KCNIP4: variants seen among roughly 807,000 people sequenced by gnomAD.
The protein encoded by KCNIP4 is potassium voltage-gated channel interacting protein 4.
A neutral mutation model predicts 34.0 loss-of-function variants in KCNIP4; 12 were observed. The ratio of observed to expected loss-of-function variants is 0.35; its 90% CI spans 0.23 to 0.57. The LOEUF is 0.57. KCNIP4 is among the 20% of genes least tolerant of loss of function. The probability of loss-of-function intolerance (pLI) is 0.83; values close to 1 mark genes in which losing one functional copy is unlikely to be tolerated. For missense variants in KCNIP4, 238 were observed against 311.7 expected, an observed-to-expected ratio of 0.76 and a Z score of 1.78; for synonymous variants, 124 against 102.2, an observed-to-expected ratio of 1.21 and a Z score of -1.29.
At chr4:21,414,760 T>C (rs1311916728) in intron 1 of KCNIP4, among the ~76,000 whole-genome samples, 1 of 152,154 alleles carries the variant, frequency 6.6e-6, no homozygotes, top group Non-Finnish European at 1.5e-5. Flanking sequence ...AAAATGGAGA[T>C]TCTATAATTT....
chr4:21,216,761 TAAG>T (rs1279709662), intron 1 of KCNIP4, among the ~76,000 whole-genome samples: 1 of 152,136 alleles, frequency 6.6e-6, no homozygotes. Context: ...GGCCCTGTTA[TAAG>T]AAGACTGTCC....
At chr4:21,338,264 C>CA (rs869150288) in intron 1 of KCNIP4, among the ~76,000 whole-genome samples, 14,454 of 49,146 alleles carry the variant, frequency 0.29, 2,654 homozygotes, top group Non-Finnish European at 0.38. Context: ...GACTCCTTCT[C>CA]AAAAAAAAAA....
At chr4:21,053,545 T>G (rs1424435199) in intron 1 of KCNIP4, among the ~76,000 whole-genome samples, 2 of 152,154 alleles carry the variant, frequency 1.3e-5, no homozygotes, top group African/African-American at 4.8e-5. Context: ...AAATAAAATG[T>G]AAACACCTTG....
chr4:21,169,575 T>A (rs1375239532), intron 1 of KCNIP4, among the ~76,000 whole-genome samples: 1 of 152,136 alleles, frequency 6.6e-6, no homozygotes. Context: ...AATGAGGTTC[T>A]AATGCTACCA....
intron 1 of KCNIP4, among the ~76,000 whole-genome samples, chr4:20,998,744 A>G (rs376128049): frequency 2.2e-4 from 34 of 152,238 alleles, no homozygotes; most frequent in Non-Finnish European, 3.5e-4. Flanking sequence ...CTGAATAAGG[A>G]TAATAGTTCT....
At position 21,620,562 on chromosome 4, in the gene KCNIP4, T is replaced by C. The variant is rs575819911; in HGVS notation, c.61+328009A>G. On this transcript the variant is annotated intron_variant, in intron 1 of 8. Transcript: ENST00000382152. ...GGCATAGAAAAATATTATTAGAGTT[T>C]TACCCTCCTATCTAAAACTGTCCCC... Among the ~76,000 whole-genome samples, 16 of 152,170 alleles carry C rather than the reference T, an allele frequency of 1.1e-4. No individual in the cohort carries two copies. In the South Asian group the frequency reaches 3.3e-3, roughly 32 times the overall value.
At chr4:21,399,104 T>A (rs145782746) in intron 1 of KCNIP4, among the ~76,000 whole-genome samples, 436 of 152,364 alleles carry the variant, frequency 2.9e-3, no homozygotes, top group Non-Finnish European at 5.4e-3. Context: ...CCTTCTCACG[T>A]TAGCACCTCA....
At chr4:21,582,623 G>A (rs921391245) in intron 1 of KCNIP4, among the ~76,000 whole-genome samples, 1 of 151,872 alleles carries the variant, frequency 6.6e-6, no homozygotes, top group Admixed American at 6.6e-5. Flanking sequence ...TGTGACCTGA[G>A]ATTTTTGTGT....
intron 1 of KCNIP4, among the ~76,000 whole-genome samples, chr4:21,625,279 G>A (rs1745248136): frequency 6.6e-6 from 1 of 152,054 alleles, no homozygotes; most frequent in African/African-American, 2.4e-5. Flanking sequence ...CATAGGGTAT[G>A]CTGAATGTTA....
At chr4:21,445,080 C>T (rs1727854098) in intron 1 of KCNIP4, among the ~76,000 whole-genome samples, 2 of 152,104 alleles carry the variant, frequency 1.3e-5, no homozygotes, top group Admixed American at 6.6e-5. Context: ...ATGTGAAGGA[C>T]CTCTTCAAGG....
chr4:20,874,994 G>A (rs570030076), intron 2 of KCNIP4, among the ~76,000 whole-genome samples: 4 of 152,138 alleles, frequency 2.6e-5, no homozygotes, highest in African/African-American at 7.2e-5. Flanking sequence ...ATTTGTCACA[G>A]CCAGAAATAA....
intron 1 of KCNIP4, among the ~76,000 whole-genome samples, chr4:21,297,664 A>T (rs1398764601): frequency 6.6e-6 from 1 of 152,094 alleles, no homozygotes; most frequent in Non-Finnish European, 1.5e-5. Flanking sequence ...TTTCTGCAGG[A>T]TGTTTTGTTC....
At chr4:21,728,107 A>G (rs937932694) in intron 1 of KCNIP4, among the ~76,000 whole-genome samples, 1 of 152,034 alleles carries the variant, frequency 6.6e-6, no homozygotes, top group African/African-American at 2.4e-5. Context: ...AGGTAATTCC[A>G]TCTCAGTAAA....
intron 1 of KCNIP4, among the ~76,000 whole-genome samples, chr4:20,886,916 G>A (rs1383033244): frequency 6.6e-6 from 1 of 152,068 alleles, no homozygotes; most frequent in Non-Finnish European, 1.5e-5. Context: ...CTAGACATGT[G>A]AGAAAGCAGA....
chr4:21,713,364 C>T (rs1427162756), intron 1 of KCNIP4, among the ~76,000 whole-genome samples: 2 of 152,138 alleles, frequency 1.3e-5, no homozygotes, highest in Non-Finnish European at 2.9e-5. Context: ...CATGGCACAT[C>T]TTCTTGAACA....
intron 1 of KCNIP4, among the ~76,000 whole-genome samples, chr4:20,894,887 A>T (rs191431570): frequency 7.7e-4 from 117 of 152,350 alleles, no homozygotes; most frequent in East Asian, 3.1e-3. Context: ...CAATGCTCTA[A>T]CAACAATAAG....
chr4:21,042,535 G>C (rs541144567), intron 1 of KCNIP4, among the ~76,000 whole-genome samples: 131 of 152,254 alleles, frequency 8.6e-4, no homozygotes, highest in African/African-American at 3.1e-3. Flanking sequence ...ATATGAAGCA[G>C]AGGGGGAGGG....
intron 1 of KCNIP4, among the ~76,000 whole-genome samples, chr4:21,945,628 C>T (rs1430058991): frequency 6.6e-6 from 1 of 151,974 alleles, no homozygotes; most frequent in East Asian, 1.9e-4. Flanking sequence ...CATCACATAA[C>T]ATCTGCCATC....
chr4:21,757,522 T>A (rs1717748049), intron 1 of KCNIP4, among the ~76,000 whole-genome samples: 1 of 152,170 alleles, frequency 6.6e-6, no homozygotes, highest in African/African-American at 2.4e-5. Flanking sequence ...AATTTGAAAA[T>A]GCTGGTTAGG....
Sources: allele counts gnomAD v4.1 joint callset (sites outside exome capture counted in the v4.1 genomes callset), GRCh38; gene constraint gnomAD v4.1.1; transcripts MANE v1.5; gene names NCBI Gene and HGNC (gene_info 2026-07-23, HGNC 2026-07-21).